Variants in SLC7A6 observed in about 807,000 individuals in gnomAD.
SLC7A6 encodes the protein Y+L amino acid transporter 2.
Under a neutral mutation model 46.6 loss-of-function variants are expected in SLC7A6, and 29 were observed. The observed-to-expected ratio is 0.62, with a 90% CI of 0.46 to 0.85. The LOEUF (loss-of-function observed/expected upper bound fraction) is 0.85, where lower values mean the gene tolerates loss of function less well. Ranked by LOEUF, SLC7A6 falls within the 40% of genes least tolerant of loss-of-function variation. The probability of loss-of-function intolerance (pLI) is 0.00; values close to 1 mark genes in which losing one functional copy is unlikely to be tolerated. For missense variants in SLC7A6, 527 were observed against 647.6 expected (o/e 0.81, Z 2.02); for synonymous variants, 276 against 257.3 (o/e 1.07, Z -0.70).
chr16:68,267,606 G>A (rs896782811), intron 2 of SLC7A6, among the ~76,000 whole-genome samples: 6 of 152,198 alleles, frequency 3.9e-5, no homozygotes, highest in African/African-American at 1.2e-4. Flanking sequence ...AAAAGATTTT[G>A]ATGTATTTCT....
chr16:68,285,616 G>A (rs1238084064), intron 3 of SLC7A6, among the ~76,000 whole-genome samples: 2 of 152,162 alleles, frequency 1.3e-5, no homozygotes, highest in African/African-American at 4.8e-5. Context: ...ATTGAGCCTG[G>A]CACCTGCCAC....
At chr16:68,288,443 T>C (rs1230138014) in intron 4 of SLC7A6, among the ~76,000 whole-genome samples, 1 of 152,176 alleles carries the variant, frequency 6.6e-6, no homozygotes, top group Non-Finnish European at 1.5e-5. Context: ...CATTCCTGGA[T>C]CAGAGAGGAC....
rs2043262509 is a variant in SLC7A6 at position 68,301,014 on chromosome 16, T to C, written c.*3686T>C. The C allele has an allele frequency of 1.8e-6, 2 of 1,126,606 alleles. No individual in the cohort carries two copies. The highest frequency in any genetic ancestry group is 2.2e-6 in the Non-Finnish European group (2 of 922,032). The allele number at this position is 1,126,606 out of a possible 1,614,324, so 69.8% of individuals were successfully genotyped here. ...CAAGAAGCTAAAGCTAAAGAAACCT[T>C]CCTTTTTTCAACGTTTTTTTTTCTT... On this transcript the variant is annotated 3_prime_UTR_variant, in exon 11 of 11. Transcript: ENST00000219343.
At chr16:68,283,027 C>T (rs1275315335) in intron 3 of SLC7A6, among the ~76,000 whole-genome samples, 2 of 152,308 alleles carry the variant, frequency 1.3e-5, no homozygotes, top group South Asian at 2.1e-4. Flanking sequence ...GGTTTCCCTC[C>T]GCTCTCTGTT....
At chr16:68,290,569 C>T in intron 5 of SLC7A6, 29 bp downstream of exon 5, 1 of 1,613,522 alleles carries the variant, frequency 6.2e-7, no homozygotes. Context: ...TCTCACTCCC[C>T]AGCTTGGCTG....
In SLC7A6 at chr16:68,296,373, G is replaced by A. The variant is rs542790767; in HGVS notation, c.1129G>A (p.Ala377Thr). ...IPALLFNCTMALIYLIVEDVF... is the reference protein window; with the variant it reads ...IPALLFNCTMTLIYLIVEDVF... The stretch of plus-strand genomic sequence containing the variant: ...CACCCCTTTCCCACAGTGCACCATG[G>A]CACTCATCTACCTCATCGTGGAGGA... Residue 377 changes from alanine to threonine, a missense_variant, in exon 9 of 11, where the codon GCA (alanine) becomes ACA (threonine). Coordinates refer to ENST00000219343, the MANE Select transcript of SLC7A6 (RefSeq NM_003983.6). 6 of 1,613,790 alleles carry A rather than the reference G, an allele frequency of 3.7e-6. No individual in the cohort carries two copies. The highest frequency in any genetic ancestry group is 2.2e-5 in the East Asian group (1 of 44,894).
chr16:68,295,753 T>A (rs2043152212), intron 8 of SLC7A6, among the ~76,000 whole-genome samples: 1 of 152,232 alleles, frequency 6.6e-6, no homozygotes, highest in Non-Finnish European at 1.5e-5. Context: ...ATTCTTTTGT[T>A]CCAGAAGCTA....
chr16:68,274,636 A>G, intron 2 of SLC7A6, 55 bp from the exon 3 acceptor site: 1 of 1,481,948 alleles, frequency 6.7e-7, no homozygotes, highest in South Asian at 1.3e-5. Flanking sequence ...AATCTGGTCT[A>G]AATAGAGCCT....
chr16:68,274,799 G>A lies in SLC7A6; in HGVS notation c.73G>A (p.Glu25Lys). 6.2e-7 allele frequency: 1 copy of A among 1,611,898 alleles called. No individual in the cohort carries two copies. The highest frequency in any genetic ancestry group is 8.5e-7 in the Non-Finnish European group (1 of 1,178,856). The change falls in exon 3 of 11, where the codon GAA (glutamate) becomes AAA (lysine). Residue 25 changes from glutamate to lysine, a missense_variant. Glu to Lys is a moderately conservative substitution (Grantham distance 56). Coordinates refer to ENST00000219343, the MANE Select transcript of SLC7A6 (RefSeq NM_003983.6). ...CCCTAACACCAGCCAGTCCCAGGTG[G>A]AAGAAGATGTCAGCTCGCCACCTCA... ...LVPNTSQSQV[E>K]EDVSSPPQRS...
At chr16:68,287,647 T>G in intron 3 of SLC7A6, 99 bp from the exon 4 acceptor site, 1 of 1,548,042 alleles carries the variant, frequency 6.5e-7, no homozygotes, top group Non-Finnish European at 8.7e-7. Context: ...CCCCTTTGCC[T>G]TAGGCAGGAA....
intron 3 of SLC7A6, among the ~76,000 whole-genome samples, chr16:68,281,072 C>T (rs1310646764): frequency 6.6e-6 from 1 of 152,190 alleles, no homozygotes; most frequent in African/African-American, 2.4e-5. Context: ...ACTCCCCAGT[C>T]CACTGTAGTC....
chr16:68,275,246 A>G lies in SLC7A6; in HGVS notation c.520A>G (p.Ile174Val), dbSNP rs1401947835. ...LACRLLAAACICLLTFVNCAY... is the reference protein window; with the variant it reads ...LACRLLAAACVCLLTFVNCAY... The stretch of plus-strand genomic sequence containing the variant: ...CTGCCGTCTCCTGGCTGCTGCTTGC[A>G]TATGTAAGTGGGGGCTGAGATTGGG... The change falls in exon 3 of 11, where the codon ATA (isoleucine) becomes GTA (valine). Residue 174 changes from isoleucine (I) to valine (V), a missense_variant. Physicochemically the swap from Ile to Val is conservative, Grantham distance 29 (BLOSUM62 3). Coordinates refer to ENST00000219343, the MANE Select transcript of SLC7A6 (RefSeq NM_003983.6). 6.6e-7 allele frequency: 1 copy of G among 1,525,166 alleles called. No homozygotes were observed. 94.5% of individuals were successfully genotyped at this position (1,525,166 alleles called of 1,614,324 possible).
chr16:68,274,490 A>T (rs965799995), intron 2 of SLC7A6, among the ~76,000 whole-genome samples: 1 of 152,136 alleles, frequency 6.6e-6, no homozygotes, highest in Non-Finnish European at 1.5e-5. Context: ...GTGAGCTCTC[A>T]TGGTGTCTTT....
At chr16:68,296,273 A>G (rs902083833) in intron 8 of SLC7A6, 91 bp from the exon 9 acceptor site, 10 of 1,432,670 alleles carry the variant, frequency 7.0e-6, no homozygotes, top group Non-Finnish European at 9.7e-6. Context: ...GTGAAGTGGC[A>G]TCAGATCTAG....
intron 4 of SLC7A6, among the ~76,000 whole-genome samples, chr16:68,288,553 C>G (rs984007250): frequency 6.6e-6 from 1 of 152,180 alleles, no homozygotes; most frequent in Admixed American, 6.5e-5. Context: ...CAGCCCAGTT[C>G]TCTAGGTCAT....
chr16:68,296,755 C>T lies in SLC7A6; in HGVS notation c.1398C>T (p.Phe466=). ...CCCTTTCTGGAGTCCCTTTCTACTT[C>T]ATGGGTGTTTACCTGCCAGAGTCCC... ...GIALSGVPFY[F]MGVYLPESRR... is the part of the protein sequence containing the mutation. The change falls in exon 10 of 11, where the codon TTC becomes TTT. Residue 466 remains phenylalanine, a synonymous_variant. Transcript: ENST00000219343. 1.2e-6 allele frequency: 2 copies of T among 1,614,194 alleles called. No individual in the cohort carries two copies. The highest frequency in any genetic ancestry group is 1.7e-6 in the Non-Finnish European group (2 of 1,180,038).
chr16:68,291,079 G>A, intron 5 of SLC7A6, 130 bp from the exon 6 acceptor site: 3 of 1,166,256 alleles, frequency 2.6e-6, no homozygotes, highest in Non-Finnish European at 3.8e-6. Flanking sequence ...CAAGGGGAAG[G>A]TGAGCCTCCC....
intron 3 of SLC7A6, 45 bp downstream of exon 3, chr16:68,275,294 A>T (rs748221661): frequency 6.4e-6 from 10 of 1,560,130 alleles, no homozygotes; most frequent in Non-Finnish European, 8.7e-6. Context: ...GGTGGGGGGT[A>T]CTATAATAAC....
chr16:68,286,636 C>T (rs2042940819), intron 3 of SLC7A6, among the ~76,000 whole-genome samples: 1 of 152,190 alleles, frequency 6.6e-6, no homozygotes, highest in South Asian at 2.1e-4. Context: ...CTTATGTCGT[C>T]CCCATGGATC....
Sources: gnomAD v4.1 joint callset for allele counts (sites outside exome capture counted in the v4.1 genomes callset) on GRCh38, gnomAD v4.1.1 for gene constraint, MANE v1.5 for transcripts, NCBI Gene and HGNC (gene_info 2026-07-23, HGNC 2026-07-21) for gene names.